The following GRM7 variants were observed in gnomAD, a reference collection of about 807,000 sequenced individuals.
GRM7 encodes the protein metabotropic glutamate receptor 7.
In GRM7, 35 loss-of-function variants were observed where a neutral mutation model predicts 84.5. That is an observed-to-expected ratio of 0.41 (90% CI 0.32 to 0.55). The LOEUF (loss-of-function observed/expected upper bound fraction) is 0.55. Ranked by LOEUF, GRM7 falls within the 20% of genes least tolerant of loss-of-function variation. The probability of loss-of-function intolerance (pLI) is 0.19; values close to 1 mark genes in which losing one functional copy is unlikely to be tolerated. For missense variants in GRM7, 1,003 were observed against 1,194.6 expected, an observed-to-expected ratio of 0.84 and a Z score of 2.36; for synonymous variants, 487 against 455.1, an observed-to-expected ratio of 1.07 and a Z score of -0.89.
intron 1 of GRM7, among the ~76,000 whole-genome samples, chr3:7,105,998 A>G (rs1692621921): frequency 6.6e-6 from 1 of 151,884 alleles, no homozygotes; most frequent in Non-Finnish European, 1.5e-5. Flanking sequence ...GTATCATATA[A>G]TCTCACCTGG....
At chr3:7,686,442 C>T in intron 9 of GRM7, 6 of 1,414,786 alleles carry the variant, frequency 4.2e-6, no homozygotes, top group Non-Finnish European at 6.0e-6. Flanking sequence ...TGACTGCTTT[C>T]CCAAAGGTAA....
chr3:7,136,242 C>T (rs9815832), intron 1 of GRM7, among the ~76,000 whole-genome samples: 47,958 of 151,018 alleles, frequency 0.32, 8,248 homozygotes, highest in African/African-American at 0.46. Context: ...AAAATGAGGA[C>T]CCAAGACCAT....
At chr3:7,662,459 C>T (rs1699507617) in intron 8 of GRM7, among the ~76,000 whole-genome samples, 1 of 151,876 alleles carries the variant, frequency 6.6e-6, no homozygotes, top group South Asian at 2.1e-4. Flanking sequence ...TAAGACATAA[C>T]CGAATGCAAT....
At chr3:7,236,697 A>G (rs1315949541) in intron 2 of GRM7, among the ~76,000 whole-genome samples, 3 of 152,214 alleles carry the variant, frequency 2.0e-5, no homozygotes, top group Non-Finnish European at 4.4e-5. Context: ...TACCCTCACC[A>G]CAACCAAGAG....
At chr3:6,913,041 G>C (rs1696825509) in intron 1 of GRM7, among the ~76,000 whole-genome samples, 1 of 152,124 alleles carries the variant, frequency 6.6e-6, no homozygotes, top group Non-Finnish European at 1.5e-5. Flanking sequence ...AATCAAACAG[G>C]ATTCTTCTGG....
At chr3:7,552,840 C>T (rs1386687317) in intron 7 of GRM7, among the ~76,000 whole-genome samples, 1 of 152,160 alleles carries the variant, frequency 6.6e-6, no homozygotes, top group Non-Finnish European at 1.5e-5. Context: ...TCTGACACGC[C>T]CTGGAAACAT....
At chr3:7,577,505 G>T (rs1695025107) in intron 7 of GRM7, among the ~76,000 whole-genome samples, 2 of 152,166 alleles carry the variant, frequency 1.3e-5, no homozygotes, top group African/African-American at 4.8e-5. Context: ...AGAAAGAGCA[G>T]ATGCTGTGCT....
At chr3:7,438,492 C>T (rs1559322184) in intron 5 of GRM7, among the ~76,000 whole-genome samples, 1 of 151,906 alleles carries the variant, frequency 6.6e-6, no homozygotes, top group African/African-American at 2.4e-5. Flanking sequence ...GGGATGATGT[C>T]CAAAAGTGCC....
At chr3:7,647,947 T>C (rs1698729678) in intron 8 of GRM7, among the ~76,000 whole-genome samples, 1 of 152,202 alleles carries the variant, frequency 6.6e-6, no homozygotes, top group South Asian at 2.1e-4. Flanking sequence ...TTTTCATTGT[T>C]GTTGTTTGTT....
At chr3:7,385,800 C>G (rs988072446) in intron 4 of GRM7, among the ~76,000 whole-genome samples, 2 of 152,106 alleles carry the variant, frequency 1.3e-5, no homozygotes. Flanking sequence ...TGGCAGAAGC[C>G]AAATATTAAC....
intron 3 of GRM7, among the ~76,000 whole-genome samples, chr3:7,304,898 CAAT>C (rs1183155060): frequency 2.6e-5 from 4 of 152,090 alleles, no homozygotes; most frequent in Admixed American, 2.6e-4. Flanking sequence ...AGATTTTCCT[CAAT>C]AATGAGTGTC....
rs1303356720 is a variant in GRM7 at position 6,957,357 on chromosome 3, A to AGCCCC, written c.519+95452_519+95456dup. On this transcript the variant is annotated intron_variant, in intron 1 of 9. Coordinates refer to ENST00000357716, the MANE Select transcript of GRM7 (RefSeq NM_000844.4). Reference sequence around the variant, plus strand: ...CAGAGCATAGCTCAATGGCAGCCGAAGCCCCGGTGTGATGTGTGGCATTGC... The same window carrying AGCCCC: ...CAGAGCATAGCTCAATGGCAGCCGAAGCCCCGCCCCGGTGTGATGTGTGGCATTGC... Among the ~76,000 whole-genome samples the AGCCCC allele has an allele frequency of 7.5e-4, 115 of 152,322 alleles. 2 individuals are homozygous for AGCCCC. The highest frequency in any genetic ancestry group is 1.7e-3 in the East Asian group (9 of 5,174).
intron 2 of GRM7, among the ~76,000 whole-genome samples, chr3:7,280,047 T>C (rs890937680): frequency 9.2e-5 from 14 of 152,174 alleles, no homozygotes; most frequent in Non-Finnish European, 2.1e-4. Flanking sequence ...CTGGATACAT[T>C]ACTATCAGAA....
chr3:7,178,832 G>A (rs1468031350), intron 2 of GRM7, among the ~76,000 whole-genome samples: 7 of 152,038 alleles, frequency 4.6e-5, no homozygotes, highest in African/African-American at 1.7e-4. Context: ...TGTAATCCCA[G>A]CACTTTGGGA....
At chr3:7,380,136 G>GA (rs1042668355) in intron 4 of GRM7, among the ~76,000 whole-genome samples, 4 of 151,100 alleles carry the variant, frequency 2.6e-5, no homozygotes, top group African/African-American at 7.3e-5. Context: ...TTAGTTGCTA[G>GA]AAAAAAAAAT....
intron 7 of GRM7, among the ~76,000 whole-genome samples, chr3:7,546,032 C>A (rs1171918685): frequency 6.6e-6 from 1 of 152,110 alleles, no homozygotes; most frequent in Non-Finnish European, 1.5e-5. Context: ...CATTATTTAT[C>A]AGTTATTACT....
intron 4 of GRM7, among the ~76,000 whole-genome samples, chr3:7,364,568 C>T (rs1265522150): frequency 6.6e-6 from 1 of 151,628 alleles, no homozygotes; most frequent in Non-Finnish European, 1.5e-5. Flanking sequence ...ATTTTTCCTC[C>T]TATCAGACTG....
chr3:7,587,105 A>G (rs921391724), intron 8 of GRM7, among the ~76,000 whole-genome samples: 1 of 152,168 alleles, frequency 6.6e-6, no homozygotes, highest in Non-Finnish European at 1.5e-5. Flanking sequence ...ATCAATTTGC[A>G]TACTTCAACA....
At chr3:7,448,181 G>T (rs1029850620) in intron 5 of GRM7, among the ~76,000 whole-genome samples, 1 of 150,996 alleles carries the variant, frequency 6.6e-6, no homozygotes, top group African/African-American at 2.4e-5. Flanking sequence ...CCAAGTCATT[G>T]CTATTGTGAA....
Sources: allele counts gnomAD v4.1 joint callset (sites outside exome capture counted in the v4.1 genomes callset), GRCh38; gene constraint gnomAD v4.1.1; transcripts MANE v1.5; gene names NCBI Gene and HGNC (gene_info 2026-07-23, HGNC 2026-07-21).